ACSM1: variants seen among roughly 807,000 people sequenced by gnomAD.
ACSM1 encodes the protein acyl-CoA synthetase medium chain family member 1.
A neutral mutation model predicts 75.8 loss-of-function variants in ACSM1; 79 were observed. The observed-to-expected ratio is 1.04, with a 90% confidence interval of 0.87 to 1.26. The LOEUF (loss-of-function observed/expected upper bound fraction) is 1.26. Among genes scored for constraint, ACSM1 ranks in the 50% most tolerant of loss-of-function variants. The pLI, the probability that ACSM1 is intolerant of heterozygous loss-of-function variation, is 0.00. For missense variants in ACSM1, 676 were observed against 720.1 expected (o/e 0.94, Z 0.70); for synonymous variants, 279 against 265.8 (o/e 1.05, Z -0.48).
chr16:20,691,115 G>T lies in ACSM1; in HGVS notation c.74C>A (p.Ser25Ter), dbSNP rs1041822271. 6 of 1,613,676 alleles carry T rather than the reference G, an allele frequency of 3.7e-6. No individual in the cohort carries two copies. The highest frequency in any genetic ancestry group is 1.7e-5 in the Admixed American group (1 of 59,970). ...TGATAAAGACCGGCAGCGCAGCTGT[G>T]AAGGGGCAGGGTGGATGTTGTGGAA... ...KSFHNIHPAPSQLRCRSLSEF... is the reference protein window; with the variant it reads ...KSFHNIHPAP The change falls in exon 2 of 14, where the codon TCA (serine) becomes TAA (stop). Residue 25 changes from serine to a stop codon, truncating the protein, a stop_gained. Coordinates refer to ENST00000520010, the MANE Select transcript of ACSM1 (RefSeq NM_001318890.3). LOFTEE classifies it high-confidence loss of function.
rs149183281 is a variant in ACSM1 at position 20,642,242 on chromosome 16, A to G, written c.993-1658T>C. ...AGATGAGGAAGAGGAGGACAAGTGT[A>G]AAAAACTAACCTCAGATTTTGAATG... On this transcript the variant is annotated intron_variant, in intron 7 of 13. Transcript: ENST00000520010. Among the ~76,000 whole-genome samples, 25 of 152,342 alleles carry G rather than the reference A, an allele frequency of 1.6e-4. No homozygotes were observed. In the East Asian group the frequency reaches 4.8e-3, roughly 29 times the overall value.
intron 7 of ACSM1, among the ~76,000 whole-genome samples, chr16:20,657,549 T>C (rs1445042900): frequency 6.6e-6 from 1 of 152,122 alleles, no homozygotes; most frequent in African/African-American, 2.4e-5. Context: ...CCTCAGGTGA[T>C]CCACCCACCT....
chr16:20,651,095 T>A (rs2018620853), intron 7 of ACSM1, among the ~76,000 whole-genome samples: 2 of 152,204 alleles, frequency 1.3e-5, no homozygotes, highest in African/African-American at 4.8e-5. Context: ...TGAATTAATT[T>A]CCCTCTAGCA....
At chr16:20,669,121 A>T (rs1433006482) in intron 6 of ACSM1, among the ~76,000 whole-genome samples, 1 of 152,052 alleles carries the variant, frequency 6.6e-6, no homozygotes, top group Admixed American at 6.6e-5. Context: ...GGACATAGAC[A>T]GAAAGAATTC....
At chr16:20,672,448 C>CAAAAAAAAA (rs528742963) in intron 4 of ACSM1, among the ~76,000 whole-genome samples, 3 of 21,922 alleles carry the variant, frequency 1.4e-4, no homozygotes, top group African/African-American at 7.9e-4. Flanking sequence ...AACTCCATCT[C>CAAAAAAAAA]AAAAAAAAAA....
intron 7 of ACSM1, among the ~76,000 whole-genome samples, chr16:20,657,378 AGCTCACT>A (rs149508076): frequency 0.013 from 2,048 of 151,972 alleles, 44 homozygotes; most frequent in African/African-American, 0.047. Context: ...GTGCGATCTC[AGCTCACT>A]GCAACCTCTG....
chr16:20,669,288 G>A (rs1191108533), intron 6 of ACSM1, among the ~76,000 whole-genome samples: 1 of 152,046 alleles, frequency 6.6e-6, no homozygotes, highest in East Asian at 1.9e-4. Flanking sequence ...GACTTTATGA[G>A]GTAGTAATTA....
intron 4 of ACSM1, among the ~76,000 whole-genome samples, chr16:20,678,010 T>TAAAATAAATAAA (rs1441388756): frequency 3.4e-5 from 2 of 59,570 alleles, no homozygotes; most frequent in African/African-American, 3.1e-4. Flanking sequence ...TACTAAAGGC[T>TAAAATAAATAAA]AAAATAAATA....
chr16:20,670,108 G>A, intron 5 of ACSM1, 122 bp from the exon 6 acceptor site: 2 of 926,480 alleles, frequency 2.2e-6, no homozygotes, highest in Non-Finnish European at 1.6e-6. Flanking sequence ...ATTTGTGTGG[G>A]GCTCCATACC....
At chr16:20,669,367 A>T (rs185375659) in intron 6 of ACSM1, among the ~76,000 whole-genome samples, 135 of 152,058 alleles carry the variant, frequency 8.9e-4, no homozygotes, top group African/African-American at 3.1e-3. Context: ...AGTTAATTTC[A>T]AAGGTGGGAT....
At chr16:20,690,252 G>T (rs1429055038) in intron 2 of ACSM1, among the ~76,000 whole-genome samples, 1 of 152,080 alleles carries the variant, frequency 6.6e-6, no homozygotes, top group Non-Finnish European at 1.5e-5. Context: ...GACAGTGCTG[G>T]GTGACTTTTT....
intron 10 of ACSM1, among the ~76,000 whole-genome samples, chr16:20,627,889 T>C (rs1054644013): frequency 0.076 from 2,858 of 37,728 alleles, 189 homozygotes; most frequent in East Asian, 0.1. Flanking sequence ...TATATATATA[T>C]ATATATATAT....
At chr16:20,682,209 CACA>C (rs745792892) in intron 4 of ACSM1, 44 bp downstream of exon 4, 2 of 1,582,202 alleles carry the variant, frequency 1.3e-6, no homozygotes, top group Non-Finnish European at 1.7e-6. Flanking sequence ...TAAATTATCC[CACA>C]ACAACTGTAC....
chr16:20,652,733 A>T (rs779175567), intron 7 of ACSM1, among the ~76,000 whole-genome samples: 1 of 152,174 alleles, frequency 6.6e-6, no homozygotes, highest in Non-Finnish European at 1.5e-5. Flanking sequence ...TAGACCAATA[A>T]CAGGCTCTGA....
At chr16:20,651,391 G>A (rs1344607766) in intron 7 of ACSM1, among the ~76,000 whole-genome samples, 1 of 152,154 alleles carries the variant, frequency 6.6e-6, no homozygotes, top group Non-Finnish European at 1.5e-5. Flanking sequence ...CACTTCAGGA[G>A]GCCGAGGTGG....
In ACSM1 at chr16:20,691,126, G is replaced by A. The variant is rs1365062712; in HGVS notation, c.63C>T (p.His21=). 8 of 1,613,280 alleles carry A rather than the reference G, an allele frequency of 5.0e-6. No homozygotes were observed. Among genetic ancestry groups the A allele is most frequent in the Non-Finnish European group, 6.8e-6 (8 of 1,179,630 alleles). Residue 21 remains histidine (H), a synonymous_variant, in exon 2 of 14, where the codon CAC becomes CAT. Coordinates refer to ENST00000520010, the MANE Select transcript of ACSM1 (RefSeq NM_001318890.3). ...GGCAGCGCAGCTGTGAAGGGGCAGGGTGGATGTTGTGGAAGGATTTGTGGA... is the reference window on the plus strand; with the variant it reads ...GGCAGCGCAGCTGTGAAGGGGCAGGATGGATGTTGTGGAAGGATTTGTGGA... ...WGIHKSFHNI[H]PAPSQLRCRS...
intron 1 of ACSM1, among the ~76,000 whole-genome samples, chr16:20,691,892 T>A (rs568471781): frequency 1.3e-5 from 2 of 151,948 alleles, no homozygotes; most frequent in Non-Finnish European, 2.9e-5. Context: ...ATTCCTATCA[T>A]GTGGAGACAG....
chr16:20,659,326 T>C (rs1244500099), intron 7 of ACSM1, among the ~76,000 whole-genome samples: 2 of 152,086 alleles, frequency 1.3e-5, no homozygotes, highest in Non-Finnish European at 2.9e-5. Context: ...GTCTTCCTAG[T>C]GCCATGGGAC....
chr16:20,631,235 G>A (rs774749804), intron 10 of ACSM1, among the ~76,000 whole-genome samples: 1 of 152,116 alleles, frequency 6.6e-6, no homozygotes, highest in Non-Finnish European at 1.5e-5. Context: ...TGGAGAATGG[G>A]ACTCTTCTGG....
Sources: gnomAD v4.1 joint callset for allele counts (sites outside exome capture counted in the v4.1 genomes callset) on GRCh38, gnomAD v4.1.1 for gene constraint, MANE v1.5 for transcripts, NCBI Gene and HGNC (gene_info 2026-07-23, HGNC 2026-07-21) for gene names.